NBEAL1: variants seen among roughly 807,000 people sequenced by gnomAD.
The protein encoded by NBEAL1 is neurobeachin-like protein 1.
In NBEAL1, 273 loss-of-function variants were observed where a neutral mutation model predicts 351.3. The observed-to-expected ratio is 0.78, with a 90% CI of 0.70 to 0.86. The LOEUF (loss-of-function observed/expected upper bound fraction) is 0.86, where lower values mean the gene tolerates loss of function less well. Ranked by LOEUF, NBEAL1 falls within the 40% of genes least tolerant of loss-of-function variation. The pLI is 0.00. For synonymous variants in NBEAL1, 1,050 were observed against 1,086.4 expected (o/e 0.97, Z 0.66); for missense variants, 2,961 against 3,201.3 (o/e 0.92, Z 1.81).
rs1213528275 is a variant in NBEAL1, at chr2:203,218,879, T to C, written c.*1525T>C. The C allele has an allele frequency of 6.6e-6, 1 of 152,180 alleles. No homozygotes were observed. The highest frequency in any genetic ancestry group is 1.5e-5 in the Non-Finnish European group (1 of 68,026). The allele number at this position is 152,180 out of a possible 1,614,324, so 9.4% of individuals were successfully genotyped here. On this transcript the variant is annotated 3_prime_UTR_variant, in exon 56 of 56. Transcript: ENST00000683969. ...CTTTCCAATAAGTAAAAATCCTCTG[T>C]TTTATTAAGGAAAAAATAGCTATGT...
chr2:203,191,877 A>G (rs934221291), intron 46 of NBEAL1, among the ~76,000 whole-genome samples: 1 of 152,194 alleles, frequency 6.6e-6, no homozygotes, highest in Non-Finnish European at 1.5e-5. Context: ...CTACCTAATT[A>G]GGACACTTTC....
In NBEAL1 at chr2:203,113,282, C is replaced by G; in HGVS notation, c.2470C>G (p.Leu824Val). The change falls in exon 17 of 56, where the codon CTA becomes GTA. Residue 824 changes from leucine to valine, a missense_variant. Transcript: ENST00000683969. ...LGSVIIFYEP[L>V]QPPQVKALYL... Reference sequence around the variant, plus strand: ...ATCTGTTATCATCTTTTATGAACCACTACAACCTCCTCAGGTGAAGGCATT... The same window carrying G: ...ATCTGTTATCATCTTTTATGAACCAGTACAACCTCCTCAGGTGAAGGCATT... The G allele has an allele frequency of 6.9e-7, 1 of 1,457,968 alleles. No homozygotes were observed. Among genetic ancestry groups the G allele is most frequent in the Non-Finnish European group, 9.1e-7 (1 of 1,102,612 alleles). The allele number at this position is 1,457,968 out of a possible 1,614,324, so 90.3% of individuals were successfully genotyped here. A position where few individuals can be genotyped will look rare whatever the true frequency, so the allele number is the denominator to read the frequency against.
At chr2:203,078,201 T>TCTGTGTAC (rs2061810562) in intron 8 of NBEAL1, among the ~76,000 whole-genome samples, 1 of 152,204 alleles carries the variant, frequency 6.6e-6, no homozygotes, top group Non-Finnish European at 1.5e-5. Context: ...TATTCACTCT[T>TCTGTGTAC]CTGTGTACTT....
At position 203,130,418 on chromosome 2, in the gene NBEAL1, T is replaced by G. The variant is rs371513118; in HGVS notation, c.3506T>G (p.Leu1169Arg). ...TTTGAACCAGGAAATGCTGACATAC[T>G]GTACGCATTGCTCTTAAATCAGAAG... ...LLFEPGNADILYALLLNQKYS... is the reference protein window; with the variant it reads ...LLFEPGNADIRYALLLNQKYS... Residue 1169 changes from leucine (L) to arginine (R), a missense_variant, in exon 25 of 56, where the codon CTG (leucine) becomes CGG (arginine). By Grantham distance (102) the Leu-to-Arg change is moderately radical. Transcript: ENST00000683969. The G allele has an allele frequency of 2.2e-5, 34 of 1,511,162 alleles. No homozygotes were observed. Among genetic ancestry groups the G allele is most frequent in the Non-Finnish European group, 2.6e-5 (30 of 1,133,374 alleles). 93.6% of individuals were successfully genotyped at this position (1,511,162 alleles called of 1,614,324 possible).
intron 9 of NBEAL1, among the ~76,000 whole-genome samples, chr2:203,083,949 G>A (rs1302563120): frequency 3.4e-5 from 5 of 148,008 alleles, no homozygotes; most frequent in African/African-American, 1.0e-4. Flanking sequence ...GAGGGCCTCC[G>A]TTTTTGTTTC....
intron 31 of NBEAL1, among the ~76,000 whole-genome samples, chr2:203,141,076 A>G (rs1399398538): frequency 6.6e-6 from 1 of 151,848 alleles, no homozygotes; most frequent in Non-Finnish European, 1.5e-5. Context: ...TCAACCTAGA[A>G]GTAGAATGAG....
At chr2:203,158,235 A>G (rs1242988293) in intron 36 of NBEAL1, among the ~76,000 whole-genome samples, 1 of 152,220 alleles carries the variant, frequency 6.6e-6, no homozygotes, top group East Asian at 1.9e-4. Flanking sequence ...ATTAAAAACA[A>G]GCAAACAAAA....
rs947622079 is a variant in NBEAL1, at chr2:203,172,584, T to C, written c.6199-145T>C. On this transcript the variant is annotated intron_variant, in intron 40 of 55. Coordinates refer to ENST00000683969, the MANE Select transcript of NBEAL1 (RefSeq NM_001378026.1). ...GAAATAATGCTTCTGGTTATTGAACTAAAGATGAATGGATATTTACAACAG... is the reference window on the plus strand; with the variant it reads ...GAAATAATGCTTCTGGTTATTGAACCAAAGATGAATGGATATTTACAACAG... The C allele has an allele frequency of 9.7e-6, 6 of 617,974 alleles. No individual in the cohort carries two copies. In the South Asian group the frequency reaches 1.9e-4, roughly 19 times the overall value. The allele number at this position is 617,974 out of a possible 1,614,324, so 38.3% of individuals were successfully genotyped here.
chr2:203,015,406 A>C (rs921397774), intron 1 of NBEAL1, among the ~76,000 whole-genome samples: 4 of 151,740 alleles, frequency 2.6e-5, no homozygotes, highest in Non-Finnish European at 5.9e-5. Context: ...CGAACTGGGA[A>C]TTCCTCCCCC....
At chr2:203,129,506 T>C (rs1395802162) in intron 24 of NBEAL1, among the ~76,000 whole-genome samples, 1 of 152,248 alleles carries the variant, frequency 6.6e-6, no homozygotes, top group Non-Finnish European at 1.5e-5. Flanking sequence ...TCATGATAGC[T>C]GTATCTATGA....
intron 41 of NBEAL1, among the ~76,000 whole-genome samples, chr2:203,173,582 A>G (rs939271386): frequency 2.0e-5 from 3 of 151,772 alleles, no homozygotes; most frequent in Non-Finnish European, 4.4e-5. Flanking sequence ...GGATTTTTAT[A>G]ATGTTTGATA....
intron 3 of NBEAL1, among the ~76,000 whole-genome samples, chr2:203,043,546 G>C (rs557254844): frequency 5.9e-5 from 9 of 152,080 alleles, no homozygotes; most frequent in African/African-American, 2.2e-4. Context: ...TTTGAGACCA[G>C]CCTGGGCAAC....
chr2:203,199,402 C>G lies in NBEAL1; in HGVS notation c.7193C>G (p.Ser2398Cys). 6.2e-7 allele frequency: 1 copy of G among 1,607,874 alleles called. No homozygotes were observed. The highest frequency in any genetic ancestry group is 8.5e-7 in the Non-Finnish European group (1 of 1,175,150). ...TGGTTGCCTTATGACAGAAACATTT[C>G]TAATTACTTTACATTCATCAAGGAT... is the stretch of plus-strand genomic sequence containing the variant. Reference protein sequence around the residue: ...HGWLPYDRNISNYFTFIKDQT... With the variant: ...HGWLPYDRNICNYFTFIKDQT... The change falls in exon 49 of 56, where the codon TCT (serine) becomes TGT (cysteine). Residue 2398 changes from serine to cysteine, a missense_variant. Coordinates refer to ENST00000683969, the MANE Select transcript of NBEAL1 (RefSeq NM_001378026.1).
At chr2:203,116,815 G>T (rs1324741611) in intron 18 of NBEAL1, among the ~76,000 whole-genome samples, 1 of 150,416 alleles carries the variant, frequency 6.6e-6, no homozygotes, top group East Asian at 2.0e-4. Context: ...AAAGGGGGGG[G>T]CCCAGCACAG....
At chr2:203,201,743 G>A (rs1401599803) in intron 50 of NBEAL1, 28 bp downstream of exon 50, 1 of 1,536,148 alleles carries the variant, frequency 6.5e-7, no homozygotes, top group Non-Finnish European at 8.8e-7. Context: ...TTCCAAAAAT[G>A]CTCAAAAATT....
intron 12 of NBEAL1, among the ~76,000 whole-genome samples, chr2:203,102,809 A>T (rs961473371): frequency 3.3e-5 from 5 of 152,092 alleles, no homozygotes; most frequent in African/African-American, 9.7e-5. Flanking sequence ...TATCAGGGTG[A>T]TGTTGGCCTC....
intron 35 of NBEAL1, among the ~76,000 whole-genome samples, chr2:203,155,021 A>G (rs942267237): frequency 1.3e-5 from 2 of 150,814 alleles, no homozygotes; most frequent in African/African-American, 4.9e-5. Context: ...CAAGGAGAAG[A>G]GTTGCTTGAG....
At chr2:203,065,274 A>T (rs1464138270) in intron 6 of NBEAL1, among the ~76,000 whole-genome samples, 7 of 152,250 alleles carry the variant, frequency 4.6e-5, no homozygotes, top group Admixed American at 2.6e-4. Flanking sequence ...GAAAAAAAAA[A>T]TTTGGGATAA....
At chr2:203,211,145 G>GGGGC in intron 54 of NBEAL1, 39 bp downstream of exon 54, 1 of 1,386,884 alleles carries the variant, frequency 7.2e-7, no homozygotes, top group Non-Finnish European at 9.7e-7. Context: ...CTTAAGAAAA[G>GGGGC]GGGCAGTACT....
Sources: allele counts gnomAD v4.1 joint callset (sites outside exome capture counted in the v4.1 genomes callset), GRCh38; gene constraint gnomAD v4.1.1; transcripts MANE v1.5; gene names NCBI Gene and HGNC (gene_info 2026-07-23, HGNC 2026-07-21).